Variants in ARHGAP40 observed in about 807,000 individuals in gnomAD.
ARHGAP40 encodes the protein rho GTPase-activating protein 40.
In ARHGAP40, 43 loss-of-function variants were observed where a neutral mutation model predicts 73.5. The ratio of observed to expected loss-of-function variants is 0.58; its 90% CI spans 0.46 to 0.75. The LOEUF (loss-of-function observed/expected upper bound fraction) is 0.75, where lower values mean the gene tolerates loss of function less well. ARHGAP40 is among the 30% of genes least tolerant of loss of function. The pLI is 0.00. For synonymous variants in ARHGAP40, 300 were observed against 352.8 expected (o/e 0.85, Z 1.68); for missense variants, 734 against 861.8 (o/e 0.85, Z 1.86).
chr20:38,608,308 T>A (rs2088784229), intron 1 of ARHGAP40, among the ~76,000 whole-genome samples: 1 of 152,156 alleles, frequency 6.6e-6, no homozygotes, highest in Non-Finnish European at 1.5e-5. Context: ...TTCACTGACT[T>A]GTTTCTTTAA....
In ARHGAP40 at chr20:38,623,353, C is replaced by G. The variant is rs1480616911; in HGVS notation, c.138-6C>G. ...GACCTCCCTGCACCTTCCCCACTTG[C>G]TACAGCTCTGGCCCCTCCTCAGGCC... is the stretch of plus-strand genomic sequence containing the variant. On this transcript the variant is annotated splice_polypyrimidine_tract_variant and splice_region_variant and intron_variant, in intron 1 of 14. Transcript: ENST00000373345. 7.8e-7 allele frequency: 1 copy of G among 1,285,440 alleles called. No homozygotes were observed. The highest frequency in any genetic ancestry group is 1.0e-6 in the Non-Finnish European group (1 of 986,024). 79.6% of individuals were successfully genotyped at this position (1,285,440 alleles called of 1,614,324 possible).
At chr20:38,628,404 A>ACGC (rs2088916344) in intron 3 of ARHGAP40, among the ~76,000 whole-genome samples, 1 of 151,508 alleles carries the variant, frequency 6.6e-6, no homozygotes, top group Non-Finnish European at 1.5e-5. Context: ...TCCCGGGTTC[A>ACGC]CGCCGTTCTC....
intron 6 of ARHGAP40, among the ~76,000 whole-genome samples, chr20:38,635,172 G>A (rs1194388914): frequency 5.9e-5 from 9 of 151,966 alleles, no homozygotes; most frequent in African/African-American, 2.2e-4. Context: ...GAGCCACCAC[G>A]CCTGGCCAGC....
intron 6 of ARHGAP40, among the ~76,000 whole-genome samples, chr20:38,636,822 A>G (rs767235204): frequency 5.2e-4 from 79 of 152,164 alleles, no homozygotes; most frequent in Non-Finnish European, 6.6e-4. Flanking sequence ...AACATTATGC[A>G]TTGTGATTTT....
intron 11 of ARHGAP40, among the ~76,000 whole-genome samples, chr20:38,645,741 G>A (rs2089047496): frequency 6.6e-6 from 1 of 152,074 alleles, no homozygotes; most frequent in Admixed American, 6.5e-5. Context: ...GCCTGAGTGT[G>A]CCAGTGAGCA....
rs2089056642 is a variant in ARHGAP40 at position 38,646,839 on chromosome 20, G to C, written c.1711-118G>C. 1.1e-6 allele frequency: 1 copy of C among 926,948 alleles called. No individual in the cohort carries two copies. 57.4% of individuals were successfully genotyped at this position (926,948 alleles called of 1,614,324 possible). A position where few individuals can be genotyped will look rare whatever the true frequency, so the allele number is the denominator to read the frequency against. On this transcript the variant is annotated intron_variant, in intron 12 of 14. Coordinates refer to ENST00000373345, the Ensembl canonical transcript of ARHGAP40. This position sits in a 1 kb window ranked among gnomAD's most constrained non-coding sequence, Gnocchi z 4.5. ...TCCGGTATGCGTGTGTGTGTATCTT[G>C]TGATTTTCAGCGTGGGCATTTGCGT... is the stretch of plus-strand genomic sequence containing the variant.
In ARHGAP40 at chr20:38,638,818, G is replaced by A. The variant is rs1240783372; in HGVS notation, c.1099G>A (p.Gly367Arg). Residue 367 changes from glycine to arginine, a missense_variant, in exon 8 of 15, where the codon GGA becomes AGA. By Grantham distance (125) the Gly-to-Arg change is moderately radical (BLOSUM62 -2). Coordinates refer to ENST00000373345, the Ensembl canonical transcript of ARHGAP40. ...CATGGAAGGCATTCTCAGGGTGCCCGGATCCCAGGCCAGGGTCAAGGTAAT... is the reference window on the plus strand; with the variant it reads ...CATGGAAGGCATTCTCAGGGTGCCCAGATCCCAGGCCAGGGTCAAGGTAAT... 18 of 1,305,296 alleles carry A rather than the reference G, an allele frequency of 1.4e-5. No individual in the cohort carries two copies. The East Asian group carries it at 2.2e-4, about 16-fold the overall frequency. The allele number at this position is 1,305,296 out of a possible 1,614,324, so 80.9% of individuals were successfully genotyped here.
intron 1 of ARHGAP40, among the ~76,000 whole-genome samples, chr20:38,610,239 C>A (rs180845732): frequency 4.8e-4 from 73 of 151,740 alleles, no homozygotes; most frequent in Non-Finnish European, 9.7e-4. Flanking sequence ...AAAGCTCCCC[C>A]CACTGTGCCA....
At chr20:38,647,463 T>C (rs2089061799) in intron 13 of ARHGAP40, among the ~76,000 whole-genome samples, 1 of 152,204 alleles carries the variant, frequency 6.6e-6, no homozygotes, top group Admixed American at 6.5e-5. Context: ...CGATCTTGGC[T>C]CACTGCAACC....
At position 38,621,828 on chromosome 20, in the gene ARHGAP40, C is replaced by T. The variant is rs527245333; in HGVS notation, c.138-1531C>T. On this transcript the variant is annotated intron_variant, in intron 1 of 14. Coordinates refer to ENST00000373345, the Ensembl canonical transcript of ARHGAP40. ...CAGTACTTTAGGAGGCCAAGGCAGGCGGATTGCTTGAGCCCAGGAGTTCGA... is the reference window on the plus strand; with the variant it reads ...CAGTACTTTAGGAGGCCAAGGCAGGTGGATTGCTTGAGCCCAGGAGTTCGA... Among the ~76,000 whole-genome samples, 31 of 152,210 alleles carry T rather than the reference C, an allele frequency of 2.0e-4. 1 individual carries two copies. The Middle Eastern group carries it at 0.01, about 50-fold the overall frequency.
At position 38,643,912 on chromosome 20, in the gene ARHGAP40, T is replaced by A; in HGVS notation, c.1569+2T>A. 1 of 1,293,722 alleles carries A rather than the reference T, an allele frequency of 7.7e-7. No individual in the cohort carries two copies. The highest frequency in any genetic ancestry group is 1.0e-6 in the Non-Finnish European group (1 of 981,790). The allele number at this position is 1,293,722 out of a possible 1,614,324, so 80.1% of individuals were successfully genotyped here. A position where few individuals can be genotyped will look rare whatever the true frequency, so the allele number is the denominator to read the frequency against. On this transcript the variant is annotated splice_donor_variant, in intron 11 of 14. Coordinates refer to ENST00000373345, the Ensembl canonical transcript of ARHGAP40. LOFTEE classifies it high-confidence loss of function. ...CACTACCAGGATCTGCTGTGGACGG[T>A]GAGTGCTGCTGGGCGCTGGGTATCC...
intron 13 of ARHGAP40, among the ~76,000 whole-genome samples, chr20:38,648,050 T>C (rs1484062073): frequency 6.6e-6 from 1 of 152,194 alleles, no homozygotes; most frequent in African/African-American, 2.4e-5. Flanking sequence ...AGCTTCCTTG[T>C]TGGCATTGGC....
intron 1 of ARHGAP40, among the ~76,000 whole-genome samples, chr20:38,615,832 C>T (rs2088833754): frequency 6.6e-6 from 1 of 152,190 alleles, no homozygotes; most frequent in African/African-American, 2.4e-5. Context: ...TCCCCAAACC[C>T]AGCAGCAATC....
At chr20:38,615,628 A>G (rs1364768103) in intron 1 of ARHGAP40, among the ~76,000 whole-genome samples, 1 of 152,112 alleles carries the variant, frequency 6.6e-6, no homozygotes, top group East Asian at 1.9e-4. Context: ...CCTGACTCAG[A>G]ACCGGATGTG....
intron 9 of ARHGAP40, among the ~76,000 whole-genome samples, chr20:38,640,164 T>TC (rs1568611174): frequency 9.8e-6 from 1 of 101,716 alleles, no homozygotes; most frequent in Non-Finnish European, 2.2e-5. Flanking sequence ...TTCTTTCTTC[T>TC]TTCTTCTTCT....
At chr20:38,606,579 A>C (rs2088771612) in intron 1 of ARHGAP40, among the ~76,000 whole-genome samples, 1 of 152,214 alleles carries the variant, frequency 6.6e-6, no homozygotes, top group Non-Finnish European at 1.5e-5. Context: ...GAGGCTGAGC[A>C]TCTTTTCACA....
At chr20:38,640,140 CTTT>C (rs879309385) in intron 9 of ARHGAP40, among the ~76,000 whole-genome samples, 19,051 of 71,390 alleles carry the variant, frequency 0.27, 2,739 homozygotes, top group South Asian at 0.33. Flanking sequence ...CTTTCTTCTT[CTTT>C]CTTCTTCCTC....
intron 9 of ARHGAP40, among the ~76,000 whole-genome samples, chr20:38,639,748 G>A (rs961657210): frequency 2.2e-4 from 33 of 152,262 alleles, no homozygotes; most frequent in African/African-American, 7.5e-4. Context: ...GTATCTGTGG[G>A]CACACATGTG....
intron 1 of ARHGAP40, among the ~76,000 whole-genome samples, chr20:38,613,201 T>C (rs1046455887): frequency 6.6e-6 from 1 of 152,212 alleles, no homozygotes; most frequent in East Asian, 1.9e-4. Flanking sequence ...GGATGCAGTT[T>C]GCTATCTCAG....
Sources: allele counts gnomAD v4.1 joint callset (sites outside exome capture counted in the v4.1 genomes callset), GRCh38; gene constraint gnomAD v4.1.1; non-coding constraint Gnocchi (gnomAD v3.1); transcripts MANE v1.5; gene names NCBI Gene and HGNC (gene_info 2026-07-23, HGNC 2026-07-21).